The following PIM3 variants were observed in gnomAD, a reference collection of about 807,000 sequenced individuals.
PIM3 encodes the protein serine/threonine-protein kinase pim-3.
A neutral mutation model predicts 27.5 loss-of-function variants in PIM3; 13 were observed. The observed-to-expected ratio is 0.47, with a 90% CI of 0.31 to 0.75. PIM3 has a LOEUF of 0.75. PIM3 is among the 30% of genes least tolerant of loss of function. The pLI is 0.05. For missense variants in PIM3, 482 were observed against 476.9 expected, an observed-to-expected ratio of 1.01 and a Z score of -0.10; for synonymous variants, 341 against 221.1, an observed-to-expected ratio of 1.54 and a Z score of -4.81.
rs1457786920 is a variant in PIM3 at position 49,961,125 on chromosome 22, C to A, written c.86C>A (p.Ala29Asp). The change falls in exon 2 of 6, where the codon GCC becomes GAC. Residue 29 changes from alanine (A) to aspartate (D), a missense_variant and splice_region_variant. By Grantham distance (126) the Ala-to-Asp change is moderately radical (BLOSUM62 -2). Transcript: ENST00000360612. ...CAACCCCGCCCGCGCCTCCCTGCAG[C>A]CAAGGCGGACAAGGAGAGCTTCGAG... ...DHLPVKILQP[A>D]KADKESFEKA... 2.7e-6 allele frequency: 4 copies of A among 1,492,482 alleles called. No homozygotes were observed. Among genetic ancestry groups the A allele is most frequent in the Non-Finnish European group, 3.6e-6 (4 of 1,121,978 alleles). 92.5% of individuals were successfully genotyped at this position (1,492,482 alleles called of 1,614,324 possible).
rs373030678 is a variant in PIM3, at chr22:49,962,681, C to A, written c.617-8C>A. The stretch of plus-strand genomic sequence containing the variant: ...GTGGTGGGCGTGCTAAGCCCTGTGT[C>A]CCCTTAGGCACCCGAGTGTACAGCC... On this transcript the variant is annotated splice_region_variant and splice_polypyrimidine_tract_variant and intron_variant, in intron 4 of 5. Coordinates refer to ENST00000360612, the MANE Select transcript of PIM3 (RefSeq NM_001001852.4). 14 of 1,606,390 alleles carry A rather than the reference C, an allele frequency of 8.7e-6. No individual in the cohort carries two copies. In the African/African-American group the frequency reaches 1.7e-4, roughly 20 times the overall value.
Position 49,961,172 on chromosome 22 carries a change from G to C in PIM3, c.133G>C (p.Val45Leu). 1 of 1,537,996 alleles carries C rather than the reference G, an allele frequency of 6.5e-7. No homozygotes were observed. The highest frequency in any genetic ancestry group is 1.2e-5 in the South Asian group (1 of 82,902). ...CGAGAAGGCGTACCAGGTGGGCGCC[G>C]TGCTGGGTAGCGGCGGCTTCGGCAC... ...SFEKAYQVGA[V>L]LGSGGFGTVY... The change falls in exon 2 of 6, where the codon GTG becomes CTG. Residue 45 changes from valine to leucine, a missense_variant. Val to Leu is a conservative substitution (Grantham distance 32). Transcript: ENST00000360612.
chr22:49,961,308 G>C lies in PIM3; in HGVS notation c.196-10G>C. ...TCGCTTGGCCCGGCCTGACCCCCGCGTCTCCGCAGGTGGCTGTGAAGCACG... is the reference window on the plus strand; with the variant it reads ...TCGCTTGGCCCGGCCTGACCCCCGCCTCTCCGCAGGTGGCTGTGAAGCACG... On this transcript the variant is annotated splice_polypyrimidine_tract_variant and intron_variant, in intron 2 of 5. Transcript: ENST00000360612. The C allele has an allele frequency of 6.5e-7, 1 of 1,545,078 alleles. No individual in the cohort carries two copies.
At position 49,961,765 on chromosome 22, in the gene PIM3, C is replaced by G; in HGVS notation, c.570C>G (p.Phe190Leu). 6.2e-7 allele frequency: 1 copy of G among 1,611,936 alleles called. No homozygotes were observed. Among genetic ancestry groups the G allele is most frequent in the Non-Finnish European group, 8.5e-7 (1 of 1,179,512 alleles). Residue 190 changes from phenylalanine to leucine, a missense_variant, in exon 4 of 6, where the codon TTC (phenylalanine) becomes TTG (leucine). By Grantham distance (22) the Phe-to-Leu change is conservative (BLOSUM62 0). Transcript: ENST00000360612. Reference sequence around the variant, plus strand: ...CCGGAGAGCTCAAGCTCATCGACTTCGGTTCGGGTGCGCTGCTCAAGGACA... The same window carrying G: ...CCGGAGAGCTCAAGCTCATCGACTTGGGTTCGGGTGCGCTGCTCAAGGACA... ...LRSGELKLIDFGSGALLKDTV... is the reference protein window; with the variant it reads ...LRSGELKLIDLGSGALLKDTV...
In PIM3 at chr22:49,963,333, C is replaced by T. The variant is rs998797204; in HGVS notation, c.*206C>T. On this transcript the variant is annotated 3_prime_UTR_variant, in exon 6 of 6. Coordinates refer to ENST00000360612, the MANE Select transcript of PIM3 (RefSeq NM_001001852.4). ...AAGCTCTGTCTGTCCAAAGACGCTC[C>T]GGTCGAGGTCCCGCCTGCCCTGGGT... 11 of 572,738 alleles carry T rather than the reference C, an allele frequency of 1.9e-5. No homozygotes were observed. In the Admixed American group the frequency reaches 2.5e-4, roughly 13 times the overall value. 35.5% of individuals were successfully genotyped at this position (572,738 alleles called of 1,614,324 possible).
At position 49,961,780 on chromosome 22, in the gene PIM3, G is replaced by A. The variant is rs745587772; in HGVS notation, c.585G>A (p.Leu195=). ...LKLIDFGSGA[L]LKDTVYTDFD... is the part of the protein sequence containing the mutation. The stretch of plus-strand genomic sequence containing the variant: ...TCATCGACTTCGGTTCGGGTGCGCT[G>A]CTCAAGGACACGGTCTACACCGACT... Residue 195 remains leucine, a synonymous_variant, in exon 4 of 6, where the codon CTG becomes CTA. Transcript: ENST00000360612. 10 of 1,611,750 alleles carry A rather than the reference G, an allele frequency of 6.2e-6. No homozygotes were observed. Among genetic ancestry groups the A allele is most frequent in the South Asian group, 1.1e-5 (1 of 90,988 alleles).
chr22:49,963,283 T>C lies in PIM3; in HGVS notation c.*156T>C, dbSNP rs1482007300. ...TTCGCTTTGAGTGCCTTTTGAACGC[T>C]GGTCCCGCGGGACTTGGTTTTCTCA... is the stretch of plus-strand genomic sequence containing the variant. On this transcript the variant is annotated 3_prime_UTR_variant, in exon 6 of 6. Transcript: ENST00000360612. The C allele has an allele frequency of 1.2e-6, 1 of 812,532 alleles. No homozygotes were observed. The highest frequency in any genetic ancestry group is 1.8e-6 in the Non-Finnish European group (1 of 541,962). The allele number at this position is 812,532 out of a possible 1,614,324, so 50.3% of individuals were successfully genotyped here. A position where few individuals can be genotyped will look rare whatever the true frequency, so the allele number is the denominator to read the frequency against.
Position 49,961,243 on chromosome 22 carries a change from G to C in PIM3, c.195+9G>C. ...TCGCCGACGGGCTCCCGGTGAGTCGGACCGCCGGGCGGGCCCGGGTTTCTC... is the reference window on the plus strand; with the variant it reads ...TCGCCGACGGGCTCCCGGTGAGTCGCACCGCCGGGCGGGCCCGGGTTTCTC... On this transcript the variant is annotated intron_variant, in intron 2 of 5. Coordinates refer to ENST00000360612, the MANE Select transcript of PIM3 (RefSeq NM_001001852.4). 1 of 1,534,180 alleles carries C rather than the reference G, an allele frequency of 6.5e-7. No individual in the cohort carries two copies.
At position 49,961,041 on chromosome 22, in the gene PIM3, G is replaced by T; in HGVS notation, c.85+9G>T. 1 of 1,346,518 alleles carries T rather than the reference G, an allele frequency of 7.4e-7. No individual in the cohort carries two copies. Among genetic ancestry groups the T allele is most frequent in the Non-Finnish European group, 9.6e-7 (1 of 1,038,870 alleles). 83.4% of individuals were successfully genotyped at this position (1,346,518 alleles called of 1,614,324 possible). A position where few individuals can be genotyped will look rare whatever the true frequency, so the allele number is the denominator to read the frequency against. ...GAAGATCCTGCAGCCAGGTACGCGC[G>T]GGGCCGGCGGGGCCGGGGCCGGGGC... On this transcript the variant is annotated intron_variant, in intron 1 of 5. Transcript: ENST00000360612.
rs1445642668 is a variant in PIM3, at chr22:49,963,251, G to A, written c.*124G>A. 28 of 1,139,674 alleles carry A rather than the reference G, an allele frequency of 2.5e-5. No homozygotes were observed. Among genetic ancestry groups the A allele is most frequent in the Non-Finnish European group, 3.4e-5 (28 of 833,840 alleles). The allele number at this position is 1,139,674 out of a possible 1,614,324, so 70.6% of individuals were successfully genotyped here. ...GCGGAAGCAGTGACCTCTGACCCCT[G>A]GTGACCTTCGCTTTGAGTGCCTTTT... On this transcript the variant is annotated 3_prime_UTR_variant, in exon 6 of 6. Coordinates refer to ENST00000360612, the MANE Select transcript of PIM3 (RefSeq NM_001001852.4).
chr22:49,962,989 G>C lies in PIM3; in HGVS notation c.843G>C (p.Arg281=). The C allele has an allele frequency of 6.2e-7, 1 of 1,610,870 alleles. No homozygotes were observed. Residue 281 remains arginine, a synonymous_variant, in exon 6 of 6, where the codon CGG becomes CGC. Transcript: ENST00000360612. ...RWCLSLRPSE[R]PSLDQIAAHP... is the part of the protein sequence containing the mutation. ...GCCTGTCCCTGCGGCCCTCAGAGCG[G>C]CCGTCGCTGGATCAGATTGCGGCCC...
At chr22:49,962,042 G>T (rs1381171489) in intron 4 of PIM3, among the ~76,000 whole-genome samples, 1 of 152,124 alleles carries the variant, frequency 6.6e-6, no homozygotes, top group Non-Finnish European at 1.5e-5. Flanking sequence ...TTCCTCCATC[G>T]CGTTGGGGGG....
Position 49,962,619 on chromosome 22 carries a change from G to A in PIM3, c.617-70G>A, listed in dbSNP as rs2060914489. The A allele has an allele frequency of 2.6e-6, 4 of 1,510,086 alleles. No homozygotes were observed. The Admixed American group carries it at 7.9e-5, about 30-fold the overall frequency. 93.5% of individuals were successfully genotyped at this position (1,510,086 alleles called of 1,614,324 possible). ...GTTACTGAGGCCAGGGAGTTAACCAGCAGGGACCTCGCCGTCTGTTGAGCG... is the reference window on the plus strand; with the variant it reads ...GTTACTGAGGCCAGGGAGTTAACCAACAGGGACCTCGCCGTCTGTTGAGCG... On this transcript the variant is annotated intron_variant, in intron 4 of 5. Transcript: ENST00000360612.
At position 49,960,784 on chromosome 22, in the gene PIM3, C is replaced by G. The variant is rs1052406577; in HGVS notation, c.-164C>G. The stretch of plus-strand genomic sequence containing the variant: ...AGGCGGCCGGGGCGGGTGAGGCGCT[C>G]CGCCTGCTGCGCGTCTACGCGGTCC... On this transcript the variant is annotated 5_prime_UTR_variant, in exon 1 of 6. Transcript: ENST00000360612. The G allele has an allele frequency of 1.1e-5, 3 of 267,080 alleles. No homozygotes were observed. Among genetic ancestry groups the G allele is most frequent in the African/African-American group, 2.3e-5 (1 of 43,170 alleles). The allele number at this position is 267,080 out of a possible 1,614,324, so 16.5% of individuals were successfully genotyped here.
In PIM3 at chr22:49,960,853, G is replaced by C. The variant is rs897557541; in HGVS notation, c.-95G>C. 4.7e-5 allele frequency: 45 copies of C among 955,406 alleles called. No homozygotes were observed. In the Admixed American group the frequency reaches 1.9e-3, roughly 41 times the overall value. 59.2% of individuals were successfully genotyped at this position (955,406 alleles called of 1,614,324 possible). On this transcript the variant is annotated 5_prime_UTR_variant, in exon 1 of 6. Coordinates refer to ENST00000360612, the MANE Select transcript of PIM3 (RefSeq NM_001001852.4). ...CACTGCGCCGCGCGGACCGCCTCGG[G>C]CTCGGACGGCCGGTGTCCCCGGCGC...
rs757341562 is a variant in PIM3, at chr22:49,962,956, C to T, written c.810C>T (p.Ile270=). 1.9e-6 allele frequency: 3 copies of T among 1,606,678 alleles called. No homozygotes were observed. Among genetic ancestry groups the T allele is most frequent in the Non-Finnish European group, 2.5e-6 (3 of 1,178,818 alleles). Residue 270 remains isoleucine, a synonymous_variant, in exon 6 of 6, where the codon ATC becomes ATT. Transcript: ENST00000360612. The stretch of plus-strand genomic sequence containing the variant: ...TCCGCACAGAGTGCCAGCAGCTGAT[C>T]CGGTGGTGCCTGTCCCTGCGGCCCT... ...RRVSPECQQL[I]RWCLSLRPSE...
rs762412577 is a variant in PIM3 at position 49,962,929 on chromosome 22, G to C, written c.794-11G>C. ...TGCTTGGGCCCTCCCTGACCTCTCCGCTCCGCACAGAGTGCCAGCAGCTGA... is the reference window on the plus strand; with the variant it reads ...TGCTTGGGCCCTCCCTGACCTCTCCCCTCCGCACAGAGTGCCAGCAGCTGA... On this transcript the variant is annotated splice_polypyrimidine_tract_variant and intron_variant, in intron 5 of 5. Coordinates refer to ENST00000360612, the MANE Select transcript of PIM3 (RefSeq NM_001001852.4). The C allele has an allele frequency of 6.2e-7, 1 of 1,600,838 alleles. No homozygotes were observed. The highest frequency in any genetic ancestry group is 2.2e-5 in the East Asian group (1 of 44,828).
At position 49,961,763 on chromosome 22, in the gene PIM3, T is replaced by C; in HGVS notation, c.568T>C (p.Phe190Leu). ...LRSGELKLIDFGSGALLKDTV... is the reference protein window; with the variant it reads ...LRSGELKLIDLGSGALLKDTV... ...CTCCGGAGAGCTCAAGCTCATCGACTTCGGTTCGGGTGCGCTGCTCAAGGA... is the reference window on the plus strand; with the variant it reads ...CTCCGGAGAGCTCAAGCTCATCGACCTCGGTTCGGGTGCGCTGCTCAAGGA... Residue 190 changes from phenylalanine (F) to leucine (L), a missense_variant, in exon 4 of 6, where the codon TTC becomes CTC. By Grantham distance (22) the Phe-to-Leu change is conservative (BLOSUM62 0). Coordinates refer to ENST00000360612, the MANE Select transcript of PIM3 (RefSeq NM_001001852.4). 1 of 1,612,040 alleles carries C rather than the reference T, an allele frequency of 6.2e-7. No individual in the cohort carries two copies. The highest frequency in any genetic ancestry group is 8.5e-7 in the Non-Finnish European group (1 of 1,179,564).
chr22:49,962,096 C>T (rs2060910518), intron 4 of PIM3, among the ~76,000 whole-genome samples: 1 of 152,018 alleles, frequency 6.6e-6, no homozygotes, highest in Non-Finnish European at 1.5e-5. Context: ...TGACATCCTT[C>T]CGGCCCGAGA....
Sources: gnomAD v4.1 joint callset for allele counts (sites outside exome capture counted in the v4.1 genomes callset) on GRCh38, gnomAD v4.1.1 for gene constraint, MANE v1.5 for transcripts, NCBI Gene and HGNC (gene_info 2026-07-23, HGNC 2026-07-21) for gene names.